The following DFFB variants were observed in gnomAD, a reference collection of about 807,000 sequenced individuals.
The protein encoded by DFFB is DNA fragmentation factor subunit beta.
A neutral mutation model predicts 32.7 loss-of-function variants in DFFB; 29 were observed. The observed-to-expected ratio is 0.89, with a 90% CI of 0.66 to 1.21. The LOEUF is 1.21. DFFB is among the 50% of genes most tolerant of loss of function. DFFB has a pLI of 0.00. For missense variants in DFFB, 398 were observed against 440.6 expected (o/e 0.90, Z 0.87); for synonymous variants, 170 against 177.1 (o/e 0.96, Z 0.32).
rs1432564203 is a variant in DFFB, at chr1:3,865,820, G to C, written c.250G>C (p.Asp84His). The change falls in exon 3 of 7, where the codon GAC becomes CAC. Residue 84 changes from aspartate (D) to histidine (H), a missense_variant. Asp to His is a moderately conservative substitution (Grantham distance 81). Transcript: ENST00000378209. This position sits in a 1 kb window ranked among gnomAD's most constrained non-coding sequence, Gnocchi z 4.7. ...TGTCCCATTGGTGGCAGATGTGAGC[G>C]ACATCAGGCGCTTCCTCAGTGCATT... The part of the protein sequence containing the change: ...LGQAWQGYVS[D>H]IRRFLSAFHE... The C allele has an allele frequency of 2.5e-6, 4 of 1,614,136 alleles. No individual in the cohort carries two copies. The highest frequency in any genetic ancestry group is 3.4e-6 in the Non-Finnish European group (4 of 1,180,030).
intron 6 of DFFB, among the ~76,000 whole-genome samples, chr1:3,879,159 T>G (rs1216408061): frequency 2.0e-5 from 3 of 152,210 alleles, no homozygotes; most frequent in Non-Finnish European, 4.4e-5. Flanking sequence ...TAGGTAGAGC[T>G]CTTTCTTTTG....
intron 5 of DFFB, among the ~76,000 whole-genome samples, chr1:3,870,028 T>C (rs1031237300): frequency 6.6e-6 from 1 of 152,200 alleles, no homozygotes; most frequent in Non-Finnish European, 1.5e-5. Flanking sequence ...TCGGTAGTGC[T>C]GGGCGGTGTC....
chr1:3,869,303 C>G (rs971826090), intron 4 of DFFB, among the ~76,000 whole-genome samples: 1 of 152,230 alleles, frequency 6.6e-6, no homozygotes, highest in Non-Finnish European at 1.5e-5. Flanking sequence ...TCAAGTGATC[C>G]GCCCACCTCG....
In DFFB at chr1:3,865,798, C is replaced by G; in HGVS notation, c.242-14C>G. 6.2e-7 allele frequency: 1 copy of G among 1,614,084 alleles called. No homozygotes were observed. On this transcript the variant is annotated splice_polypyrimidine_tract_variant and intron_variant, in intron 2 of 6. Transcript: ENST00000378209. This position sits in a 1 kb window ranked among gnomAD's most constrained non-coding sequence, Gnocchi z 4.7. ...TGCTGGACCGGCACCTTTTGTTTGT[C>G]CCATTGGTGGCAGATGTGAGCGACA...
Position 3,866,529 on chromosome 1 carries a change from C to T in DFFB, c.430+529C>T, listed in dbSNP as rs115612927. ...CTAGGATTACAGGCGGGAGCCACCCCGCCTGGCCTATTATAATTATTTTAA... is the reference window on the plus strand; with the variant it reads ...CTAGGATTACAGGCGGGAGCCACCCTGCCTGGCCTATTATAATTATTTTAA... On this transcript the variant is annotated intron_variant, in intron 3 of 6. Coordinates refer to ENST00000378209, the MANE Select transcript of DFFB (RefSeq NM_004402.4). The T allele has an allele frequency of 2.1e-3, 362 of 172,512 alleles. 1 individual carries two copies. The highest frequency in any genetic ancestry group is 8.3e-3 in the African/African-American group (345 of 41,680). The allele number at this position is 172,512 out of a possible 1,614,324, so 10.7% of individuals were successfully genotyped here.
At position 3,865,704 on chromosome 1, in the gene DFFB, C is replaced by A. The variant is rs1257197024; in HGVS notation, c.242-108C>A. 6.4e-7 allele frequency: 1 copy of A among 1,568,460 alleles called. No individual in the cohort carries two copies. Among genetic ancestry groups the A allele is most frequent in the East Asian group, 2.2e-5 (1 of 44,640 alleles). On this transcript the variant is annotated intron_variant, in intron 2 of 6. Coordinates refer to ENST00000378209, the MANE Select transcript of DFFB (RefSeq NM_004402.4). This position sits in a 1 kb window ranked among gnomAD's most constrained non-coding sequence, Gnocchi z 4.7. Reference sequence around the variant, plus strand: ...CCTCAAGTCTGAGTCCTGGTGATTGCCAGGCCCTGGGGAATGGGGGAAGAT... The same window carrying A: ...CCTCAAGTCTGAGTCCTGGTGATTGACAGGCCCTGGGGAATGGGGGAAGAT...
At chr1:3,883,391 G>A (rs1557732554) in intron 6 of DFFB, 116 bp from the exon 7 acceptor site, 7 of 956,222 alleles carry the variant, frequency 7.3e-6, no homozygotes, top group African/African-American at 1.6e-5. Context: ...GCGGCCGTGT[G>A]TCCGTGATAG....
In DFFB at chr1:3,873,557, G is replaced by A. The variant is rs567242997; in HGVS notation, c.782+985G>A. ...TGCAATGATGTGATCTCGGCTCACC[G>A]CAACCTCCGCCTCCCGGGTTCAAGC... On this transcript the variant is annotated intron_variant, in intron 6 of 6. Coordinates refer to ENST00000378209, the MANE Select transcript of DFFB (RefSeq NM_004402.4). Among the ~76,000 whole-genome samples, 5 of 150,088 alleles carry A rather than the reference G, an allele frequency of 3.3e-5. No homozygotes were observed. In the South Asian group the frequency reaches 8.4e-4, roughly 25 times the overall value.
chr1:3,879,382 G>A (rs545618852), intron 6 of DFFB, among the ~76,000 whole-genome samples: 28 of 152,116 alleles, frequency 1.8e-4, no homozygotes, highest in Non-Finnish European at 4.0e-4. Context: ...TTTCTGCTGT[G>A]GACTCCATCA....
chr1:3,873,413 C>T (rs1046168219), intron 6 of DFFB, among the ~76,000 whole-genome samples: 8 of 151,906 alleles, frequency 5.3e-5, no homozygotes, highest in African/African-American at 1.7e-4. Context: ...CTCCAAAATT[C>T]AAAACGTTTT....
chr1:3,883,817 T>A lies in DFFB; in HGVS notation c.*76T>A, dbSNP rs1386672064. 5.0e-6 allele frequency: 7 copies of A among 1,401,710 alleles called. No individual in the cohort carries two copies. The highest frequency in any genetic ancestry group is 1.5e-5 in the African/African-American group (1 of 68,960). The allele number at this position is 1,401,710 out of a possible 1,614,324, so 86.8% of individuals were successfully genotyped here. A position where few individuals can be genotyped will look rare whatever the true frequency, so the allele number is the denominator to read the frequency against. The stretch of plus-strand genomic sequence containing the variant: ...TTTTAACAGGTGCCTTTTTTGTTTT[T>A]TTGTTTTTCGTTTTTTTGGTCACTC... On this transcript the variant is annotated 3_prime_UTR_variant, in exon 7 of 7. Transcript: ENST00000378209.
intron 1 of DFFB, 36 bp from the exon 2 acceptor site, chr1:3,858,682 C>T (rs1348185881): frequency 2.5e-6 from 4 of 1,607,654 alleles, no homozygotes; most frequent in Non-Finnish European, 2.6e-6. Context: ...CGTCTTGAGA[C>T]CCTTCCTCCT....
intron 5 of DFFB, among the ~76,000 whole-genome samples, chr1:3,870,200 C>G (rs1570920198): frequency 6.6e-6 from 1 of 152,348 alleles, no homozygotes; most frequent in South Asian, 2.1e-4. Flanking sequence ...CGTGGTCTGG[C>G]CTTTAGTGGT....
At chr1:3,875,661 CT>C (rs1290217153) in intron 6 of DFFB, among the ~76,000 whole-genome samples, 1 of 152,204 alleles carries the variant, frequency 6.6e-6, no homozygotes, top group African/African-American at 2.4e-5. Flanking sequence ...TCTGTGGCCG[CT>C]TGTGTCTTCT....
chr1:3,869,564 C>T (rs368386237), intron 4 of DFFB, 41 bp from the exon 5 acceptor site: 563 of 1,575,010 alleles, frequency 3.6e-4, no homozygotes, highest in Non-Finnish European at 4.3e-4. Flanking sequence ...GGTTTTGGGG[C>T]GCTGTGCACC....
chr1:3,883,355 C>T (rs1394716310), intron 6 of DFFB, 152 bp from the exon 7 acceptor site: 5 of 709,668 alleles, frequency 7.0e-6, no homozygotes, highest in African/African-American at 1.8e-5. Context: ...GCATCAGGCT[C>T]TGCTCAACAA....
intron 4 of DFFB, among the ~76,000 whole-genome samples, chr1:3,868,659 GCCACA>G (rs565199748): frequency 0.036 from 395 of 10,940 alleles, 107 homozygotes; most frequent in East Asian, 0.12. Flanking sequence ...ACCACACCAG[GCCACA>G]CCACACCACA....
intron 6 of DFFB, among the ~76,000 whole-genome samples, chr1:3,874,301 C>T (rs140475212): frequency 0.031 from 3,920 of 125,412 alleles, 173 homozygotes; most frequent in African/African-American, 0.12. Flanking sequence ...CTTTACCACA[C>T]GCGTGTGGGT....
intron 3 of DFFB, among the ~76,000 whole-genome samples, chr1:3,867,042 C>T (rs1459133966): frequency 6.6e-6 from 1 of 152,130 alleles, no homozygotes; most frequent in Non-Finnish European, 1.5e-5. Context: ...ATTACAGGTG[C>T]CTGCCACCAC....
Sources: gnomAD v4.1 joint callset for allele counts (sites outside exome capture counted in the v4.1 genomes callset) on GRCh38, gnomAD v4.1.1 for gene constraint, Gnocchi (gnomAD v3.1) non-coding constraint, MANE v1.5 for transcripts, NCBI Gene and HGNC (gene_info 2026-07-23, HGNC 2026-07-21) for gene names.